The following ZGPAT variants were observed in gnomAD, a reference collection of about 807,000 sequenced individuals.
ZGPAT encodes zinc finger CCCH-type and G-patch domain containing.
In ZGPAT, 39 loss-of-function variants were observed where a neutral mutation model predicts 47.9. That is an observed-to-expected ratio of 0.81 (90% CI 0.63 to 1.06). The LOEUF (loss-of-function observed/expected upper bound fraction) is 1.06, where lower values mean the gene tolerates loss of function less well. Among genes scored for constraint, ZGPAT ranks in the 50% least tolerant of loss-of-function variants. ZGPAT has a pLI of 0.00. For missense variants in ZGPAT, 717 were observed against 681.4 expected, an observed-to-expected ratio of 1.05 and a Z score of -0.58; for synonymous variants, 348 against 292.9, an observed-to-expected ratio of 1.19 and a Z score of -1.92.
rs569841780 is a variant in ZGPAT, at chr20:63,735,656, G to A, written c.1397+92G>A. The A allele has an allele frequency of 1.2e-5, 18 of 1,498,640 alleles. No homozygotes were observed. In the East Asian group the frequency reaches 1.9e-4, roughly 16 times the overall value. The allele number at this position is 1,498,640 out of a possible 1,614,324, so 92.8% of individuals were successfully genotyped here. The stretch of plus-strand genomic sequence containing the variant: ...GGAGGTCACCTGACCCAAGCATAGC[G>A]GGCTGAGTCCAGGAGGGGTCTGCAT... On this transcript the variant is annotated intron_variant, in intron 6 of 6. Coordinates refer to ENST00000355969, the MANE Select transcript of ZGPAT (RefSeq NM_181485.3).
At chr20:63,717,841 G>C (rs1047126277) in intron 2 of ZGPAT, among the ~76,000 whole-genome samples, 1 of 152,096 alleles carries the variant, frequency 6.6e-6, no homozygotes, top group Non-Finnish European at 1.5e-5. Flanking sequence ...TCAGGAGTTC[G>C]AGACCAGCCT....
At chr20:63,714,375 A>G (rs2091704181) in intron 2 of ZGPAT, among the ~76,000 whole-genome samples, 1 of 150,368 alleles carries the variant, frequency 6.7e-6, no homozygotes, top group African/African-American at 2.4e-5. Flanking sequence ...GCAGTGAGCC[A>G]AGATCATGCC....
intron 2 of ZGPAT, among the ~76,000 whole-genome samples, chr20:63,729,024 TTC>T (rs2091870957): frequency 1.3e-5 from 2 of 150,142 alleles, no homozygotes; most frequent in South Asian, 4.2e-4. Context: ...AGATTATTTT[TTC>T]TTTTTTTCTT....
chr20:63,726,447 C>T (rs1475215174), intron 2 of ZGPAT, among the ~76,000 whole-genome samples: 5 of 151,536 alleles, frequency 3.3e-5, no homozygotes, highest in Non-Finnish European at 5.9e-5. Context: ...GTGATCCGCC[C>T]GCCTAGGCCT....
At chr20:63,732,531 G>T (rs923466473) in intron 2 of ZGPAT, among the ~76,000 whole-genome samples, 1 of 152,102 alleles carries the variant, frequency 6.6e-6, no homozygotes, top group Non-Finnish European at 1.5e-5. Context: ...GGGTGAGATG[G>T]CGTGTGCGTA....
intron 4 of ZGPAT, 63 bp downstream of exon 4, chr20:63,733,802 C>A (rs2091947889): frequency 1.3e-6 from 2 of 1,549,930 alleles, no homozygotes; most frequent in African/African-American, 2.7e-5. Context: ...AGGCTCCTGG[C>A]CGGTGAGGGC....
intron 2 of ZGPAT, among the ~76,000 whole-genome samples, 183 bp from the exon 3 acceptor site, chr20:63,733,036 A>ATG (rs113843559): frequency 3.3e-5 from 5 of 151,268 alleles, no homozygotes; most frequent in African/African-American, 7.3e-5. Context: ...GAGTGTGTGC[A>ATG]TGTGTGTGTG....
At chr20:63,733,027 A>AGTGTGTGCATGT (rs2091937392) in intron 2 of ZGPAT, among the ~76,000 whole-genome samples, 192 bp from the exon 3 acceptor site, 1 of 141,302 alleles carries the variant, frequency 7.1e-6, no homozygotes, top group Non-Finnish European at 1.6e-5. Flanking sequence ...TGTGTGCGTG[A>AGTGTGTGCATGT]GTGTGTGCAT....
At chr20:63,708,324 A>C in intron 1 of ZGPAT, 44 of 253,502 alleles carry the variant, frequency 1.7e-4, no homozygotes, top group East Asian at 2.8e-4. Context: ...CCCCGCGGGG[A>C]AGGGGCTCCG....
chr20:63,713,236 A>G (rs933183644), intron 2 of ZGPAT, among the ~76,000 whole-genome samples: 1 of 147,042 alleles, frequency 6.8e-6, no homozygotes, highest in East Asian at 2.1e-4. Flanking sequence ...ACACCCAGCT[A>G]ATTTTTTTTT....
chr20:63,708,578 A>G lies in ZGPAT; in HGVS notation c.-3A>G, dbSNP rs767701058. ...CCCTGGTCCAGCGCCTCCCTCTCTC[A>G]GCATGGACGAGGAGAGCCTGGAGTC... On this transcript the variant is annotated 5_prime_UTR_variant, in exon 2 of 7. Coordinates refer to ENST00000355969, the MANE Select transcript of ZGPAT (RefSeq NM_181485.3). 6.3e-7 allele frequency: 1 copy of G among 1,586,390 alleles called. No homozygotes were observed. The highest frequency in any genetic ancestry group is 8.6e-7 in the Non-Finnish European group (1 of 1,162,558).
intron 2 of ZGPAT, among the ~76,000 whole-genome samples, chr20:63,724,043 G>C (rs1377937161): frequency 6.6e-6 from 1 of 152,092 alleles, no homozygotes; most frequent in Non-Finnish European, 1.5e-5. Context: ...TTGTGCCACT[G>C]CACTCCAGCC....
intron 2 of ZGPAT, among the ~76,000 whole-genome samples, chr20:63,730,970 C>CTCTCTG (rs1237935541): frequency 1.1e-3 from 121 of 115,160 alleles, no homozygotes; most frequent in East Asian, 8.0e-3. Flanking sequence ...CTCTCTCTCT[C>CTCTCTG]TGTGTGTGTG....
chr20:63,734,088 T>C, intron 4 of ZGPAT: 1 of 312,496 alleles, frequency 3.2e-6, no homozygotes, highest in South Asian at 4.0e-5. Flanking sequence ...CTTCTCAGAC[T>C]TGGGACCTGG....
intron 2 of ZGPAT, among the ~76,000 whole-genome samples, chr20:63,722,335 T>A (rs1007416756): frequency 6.6e-6 from 1 of 152,220 alleles, no homozygotes; most frequent in Non-Finnish European, 1.5e-5. Context: ...GACACCAGAG[T>A]TACAGAAAAG....
Position 63,735,514 on chromosome 20 carries a change from C to G in ZGPAT, c.1347C>G (p.Thr449=), listed in dbSNP as rs759663810. 5.2e-6 allele frequency: 8 copies of G among 1,529,160 alleles called. No individual in the cohort carries two copies. In the Admixed American group the frequency reaches 1.6e-4, roughly 30 times the overall value. 94.7% of individuals were successfully genotyped at this position (1,529,160 alleles called of 1,614,324 possible). ...AGACTGAGGAGAAGATCGAGCGAAC[C>G]CAGCGGGACATCAGGAGCATCCAGG... ...LFQTEEKIER[T]QRDIRSIQEA... is the part of the protein sequence containing the mutation. Residue 449 remains threonine, a synonymous_variant, in exon 6 of 7, where the codon ACC becomes ACG. Transcript: ENST00000355969.
chr20:63,723,332 A>ATGACACAGCTCCATCCTCCCTTCTCCTC (rs2091808990), intron 2 of ZGPAT, among the ~76,000 whole-genome samples: 1 of 41,900 alleles, frequency 2.4e-5, no homozygotes. Context: ...CCCTTCTCCT[A>ATGACACAGCTCCATCCTCCCTTCTCCTC]TGACACAGCT....
At chr20:63,711,426 G>A (rs559902650) in intron 2 of ZGPAT, among the ~76,000 whole-genome samples, 36 of 152,186 alleles carry the variant, frequency 2.4e-4, no homozygotes, top group Non-Finnish European at 4.4e-4. Context: ...AGTGGTCCAG[G>A]GCTTCAAGGC....
At chr20:63,728,799 C>A (rs902632225) in intron 2 of ZGPAT, among the ~76,000 whole-genome samples, 12 of 152,190 alleles carry the variant, frequency 7.9e-5, no homozygotes, top group African/African-American at 2.7e-4. Flanking sequence ...GTTTTTGCAG[C>A]CAGCCTTGAC....
Sources: allele counts gnomAD v4.1 joint callset (sites outside exome capture counted in the v4.1 genomes callset), GRCh38; gene constraint gnomAD v4.1.1; transcripts MANE v1.5; gene names NCBI Gene and HGNC (gene_info 2026-07-23, HGNC 2026-07-21).